TTC27: variants seen among roughly 807,000 people sequenced by gnomAD.
The protein encoded by TTC27 is tetratricopeptide repeat protein 27.
TTC27 carries 79 observed loss-of-function variants against 115.9 expected under a neutral mutation model. The ratio of observed to expected loss-of-function variants is 0.68; its 90% confidence interval spans 0.57 to 0.82. The LOEUF (loss-of-function observed/expected upper bound fraction) is 0.82, where lower values mean the gene tolerates loss of function less well. TTC27 is among the 40% of genes least tolerant of loss of function. TTC27 has a pLI of 0.00. For synonymous variants in TTC27, 401 were observed against 356.0 expected, an observed-to-expected ratio of 1.13 and a Z score of -1.42; for missense variants, 1,054 against 993.1, an observed-to-expected ratio of 1.06 and a Z score of -0.82.
At chr2:32,788,862 T>C (rs1670436659) in intron 16 of TTC27, among the ~76,000 whole-genome samples, 1 of 150,664 alleles carries the variant, frequency 6.6e-6, no homozygotes. Flanking sequence ...TATTTGCTCT[T>C]ATTCTCCTTC....
chr2:32,759,971 C>G (rs1572585964), intron 13 of TTC27, among the ~76,000 whole-genome samples: 2 of 152,202 alleles, frequency 1.3e-5, no homozygotes, highest in East Asian at 1.9e-4. Flanking sequence ...GTACATACTT[C>G]CTTTTGTTTA....
rs1364657936 is a variant in TTC27, at chr2:32,756,112, A to G, written c.1453-2180A>G. Reference sequence around the variant, plus strand: ...GAGTACATTGCCTGAAATCATTTCTATACCCAATTACTATAATGGTCATTG... The same window carrying G: ...GAGTACATTGCCTGAAATCATTTCTGTACCCAATTACTATAATGGTCATTG... On this transcript the variant is annotated intron_variant, in intron 12 of 19. Transcript: ENST00000317907. Among the ~76,000 whole-genome samples the G allele has an allele frequency of 4.6e-5, 7 of 152,376 alleles. No individual in the cohort carries two copies. The East Asian group carries it at 1.2e-3, about 25-fold the overall frequency.
intron 2 of TTC27, among the ~76,000 whole-genome samples, chr2:32,631,552 T>G (rs528576789): frequency 6.6e-6 from 1 of 152,324 alleles, no homozygotes; most frequent in East Asian, 1.9e-4. Flanking sequence ...ATTTCATTGT[T>G]ATAAATTTGA....
chr2:32,692,894 T>G (rs1286524728), intron 9 of TTC27, among the ~76,000 whole-genome samples: 1 of 151,450 alleles, frequency 6.6e-6, no homozygotes, highest in Non-Finnish European at 1.5e-5. Flanking sequence ...GAGAATCGTG[T>G]GAACCCAGGA....
intron 9 of TTC27, among the ~76,000 whole-genome samples, chr2:32,684,959 C>T (rs1160694078): frequency 6.9e-6 from 1 of 145,214 alleles, no homozygotes; most frequent in Non-Finnish European, 1.5e-5. Flanking sequence ...GAGGAAACAA[C>T]AACTGCAAAT....
At chr2:32,779,275 G>A (rs1670097046) in intron 14 of TTC27, among the ~76,000 whole-genome samples, 1 of 151,798 alleles carries the variant, frequency 6.6e-6, no homozygotes. Flanking sequence ...CACTAGCAAT[G>A]TATGAGGGTT....
chr2:32,691,597 C>T (rs1213976923), intron 9 of TTC27, among the ~76,000 whole-genome samples: 1 of 152,070 alleles, frequency 6.6e-6, no homozygotes, highest in Non-Finnish European at 1.5e-5. Flanking sequence ...CCGCGCCTGG[C>T]CTGCATCTCT....
chr2:32,812,938 T>C (rs1256735335), intron 18 of TTC27, among the ~76,000 whole-genome samples: 1 of 152,212 alleles, frequency 6.6e-6, no homozygotes, highest in African/African-American at 2.4e-5. Flanking sequence ...ATTGATTACA[T>C]AGCATTAAGG....
At chr2:32,671,787 C>T (rs1263709629) in intron 7 of TTC27, among the ~76,000 whole-genome samples, 1 of 152,182 alleles carries the variant, frequency 6.6e-6, no homozygotes, top group East Asian at 1.9e-4. Context: ...TGCTGAGACA[C>T]AGAGTTGGGA....
In TTC27 at chr2:32,733,812, A is replaced by T. The variant is rs1419933653; in HGVS notation, c.1234-16A>T. 1.3e-6 allele frequency: 2 copies of T among 1,535,434 alleles called. No homozygotes were observed. Among genetic ancestry groups the T allele is most frequent in the African/African-American group, 1.4e-5 (1 of 73,008 alleles). ...GTTATACATATAGATTCTGATTGTGATATATGTCCTTTAAGGCTCTTGCAG... is the reference window on the plus strand; with the variant it reads ...GTTATACATATAGATTCTGATTGTGTTATATGTCCTTTAAGGCTCTTGCAG... On this transcript the variant is annotated splice_polypyrimidine_tract_variant and intron_variant, in intron 10 of 19. Transcript: ENST00000317907.
chr2:32,786,983 G>A lies in TTC27; in HGVS notation c.1833-1G>A, dbSNP rs768851627. On this transcript the variant is annotated splice_acceptor_variant, in intron 15 of 19. Transcript: ENST00000317907. LOFTEE classifies it high-confidence loss of function. ...TCTCTTTAAAATTTGACCTTCAATA[G>A]AGTAAAAGCTTTTAGAACTTTACAA... 1.3e-5 allele frequency: 21 copies of A among 1,605,840 alleles called. No individual in the cohort carries two copies. Among genetic ancestry groups the A allele is most frequent in the Admixed American group, 3.5e-5 (2 of 57,610 alleles).
intron 10 of TTC27, among the ~76,000 whole-genome samples, 184 bp downstream of exon 10, chr2:32,703,104 C>G (rs1402145092): frequency 6.6e-6 from 1 of 152,188 alleles, no homozygotes; most frequent in Admixed American, 6.5e-5. Context: ...TGTGACTTAG[C>G]AGCTCTGTGA....
At chr2:32,634,322 TCTCA>T (rs903433382) in intron 3 of TTC27, among the ~76,000 whole-genome samples, 4 of 151,832 alleles carry the variant, frequency 2.6e-5, no homozygotes, top group African/African-American at 9.7e-5. Flanking sequence ...TGAGATGGTA[TCTCA>T]CTCAGTCATC....
chr2:32,709,952 A>C (rs898548614), intron 10 of TTC27, among the ~76,000 whole-genome samples: 11 of 152,240 alleles, frequency 7.2e-5, no homozygotes, highest in African/African-American at 2.7e-4. Context: ...TACACATAAT[A>C]CTTTTTTTAC....
chr2:32,784,567 T>C (rs1293623595), intron 15 of TTC27, among the ~76,000 whole-genome samples: 1 of 152,244 alleles, frequency 6.6e-6, no homozygotes, highest in Non-Finnish European at 1.5e-5. Context: ...CAGTCCCATG[T>C]AAAAATGTCT....
chr2:32,792,707 T>C (rs947864015), intron 16 of TTC27, among the ~76,000 whole-genome samples: 3 of 152,186 alleles, frequency 2.0e-5, no homozygotes, highest in African/African-American at 7.2e-5. Flanking sequence ...GTTTTTGTAA[T>C]GGGTTAAGGC....
chr2:32,727,361 A>G (rs1027913301), intron 10 of TTC27, among the ~76,000 whole-genome samples: 3 of 152,244 alleles, frequency 2.0e-5, no homozygotes, highest in African/African-American at 7.2e-5. Flanking sequence ...GAGACTGACC[A>G]GTGAGTACTT....
intron 13 of TTC27, among the ~76,000 whole-genome samples, chr2:32,764,247 C>T (rs1176817999): frequency 1.3e-5 from 2 of 152,136 alleles, no homozygotes; most frequent in Non-Finnish European, 2.9e-5. Context: ...TACAAGCATA[C>T]CACAGAGATA....
intron 16 of TTC27, among the ~76,000 whole-genome samples, chr2:32,807,846 C>T (rs977999867): frequency 8.6e-5 from 13 of 151,632 alleles, no homozygotes; most frequent in African/African-American, 3.2e-4. Flanking sequence ...TAACTTTCTC[C>T]TTCCTTGGTT....
Sources: gnomAD v4.1 joint callset for allele counts (sites outside exome capture counted in the v4.1 genomes callset) on GRCh38, gnomAD v4.1.1 for gene constraint, MANE v1.5 for transcripts, NCBI Gene and HGNC (gene_info 2026-07-23, HGNC 2026-07-21) for gene names.